SUN3: variants seen among roughly 807,000 people sequenced by gnomAD.
SUN3 encodes Sad1 and UNC84 domain containing 3.
Under a neutral mutation model 48.2 loss-of-function variants are expected in SUN3, and 36 were observed. That is an observed-to-expected ratio of 0.75 (90% CI 0.57 to 0.99). The LOEUF is 0.99. Among genes scored for constraint, SUN3 ranks in the 50% least tolerant of loss-of-function variants. SUN3 has a pLI of 0.00. For missense variants in SUN3, 419 were observed against 433.1 expected (o/e 0.97, Z 0.29); for synonymous variants, 148 against 147.9 (o/e 1.00, Z 0.00).
rs905761615 is a variant in SUN3, at chr7:47,987,162, A to T, written c.*168T>A. The T allele has an allele frequency of 5.6e-6, 3 of 536,108 alleles. No individual in the cohort carries two copies. Among genetic ancestry groups the T allele is most frequent in the Non-Finnish European group, 9.0e-6 (3 of 334,268 alleles). The allele number at this position is 536,108 out of a possible 1,614,324, so 33.2% of individuals were successfully genotyped here. On this transcript the variant is annotated 3_prime_UTR_variant, in exon 10 of 10. Transcript: ENST00000297325. ...TGGCAAGGATATTTAATTTACTTCC[A>T]TATTTTTTTATTAGTAAAATGCATT...
chr7:48,008,137 C>T (rs1789587047), intron 4 of SUN3, among the ~76,000 whole-genome samples: 1 of 152,080 alleles, frequency 6.6e-6, no homozygotes. Flanking sequence ...AATGGGTTTT[C>T]TATGTTTACA....
At chr7:48,016,246 C>G (rs563167185) in intron 3 of SUN3, among the ~76,000 whole-genome samples, 1 of 152,152 alleles carries the variant, frequency 6.6e-6, no homozygotes, top group African/African-American at 2.4e-5. Flanking sequence ...CAGCACTCCC[C>G]ACTTCCCAAG....
In SUN3 at chr7:48,025,956, A is replaced by G. The variant is rs1208046817; in HGVS notation, c.123-18T>C. On this transcript the variant is annotated intron_variant, in intron 1 of 9. Transcript: ENST00000297325. The stretch of plus-strand genomic sequence containing the variant: ...GAGTTACCCTAAAAGAATAAAAACA[A>G]TGATTAGAAAAAGAATTTAACAACA... 1 of 1,548,870 alleles carries G rather than the reference A, an allele frequency of 6.5e-7. No individual in the cohort carries two copies. The highest frequency in any genetic ancestry group is 1.1e-5 in the South Asian group (1 of 87,210).
At chr7:48,000,458 A>G (rs188511201) in intron 6 of SUN3, among the ~76,000 whole-genome samples, 20 of 152,304 alleles carry the variant, frequency 1.3e-4, no homozygotes, top group African/African-American at 4.8e-4. Flanking sequence ...TTACTCACAG[A>G]TGAGGCTGTT....
intron 2 of SUN3, chr7:48,018,724 T>A (rs1309864154): frequency 6.6e-6 from 1 of 152,536 alleles, no homozygotes. Flanking sequence ...AAATCTGAAT[T>A]CTAGAGTTAT....
At chr7:48,006,619 G>A (rs998976986) in intron 5 of SUN3, among the ~76,000 whole-genome samples, 4 of 152,188 alleles carry the variant, frequency 2.6e-5, no homozygotes, top group Admixed American at 1.3e-4. Flanking sequence ...CTGCCTAAAC[G>A]TAACACCTTC....
At chr7:47,990,955 G>T in intron 8 of SUN3, 1 of 386,294 alleles carries the variant, frequency 2.6e-6, no homozygotes, top group Admixed American at 3.1e-5. Context: ...CTTGAGGGTG[G>T]GGGGTGGGAG....
At chr7:48,019,977 C>CAAAAAAAAAAAA (rs869166401) in intron 2 of SUN3, among the ~76,000 whole-genome samples, 24 of 64,136 alleles carry the variant, frequency 3.7e-4, no homozygotes, top group East Asian at 6.3e-4. Context: ...AAAGACACAT[C>CAAAAAAAAAAAA]AAAAAAAAAA....
intron 3 of SUN3, among the ~76,000 whole-genome samples, chr7:48,012,190 C>T (rs934276635): frequency 7.2e-5 from 11 of 152,164 alleles, no homozygotes; most frequent in South Asian, 2.1e-4. Context: ...ATGTCCAGAG[C>T]ACTCGTTAAG....
At chr7:48,034,632 GT>G in the SUN3 span, among the ~76,000 whole-genome samples, 1 of 152,174 alleles carries the variant, frequency 6.6e-6, no homozygotes, top group Admixed American at 6.5e-5. Flanking sequence ...TATCAAAAGT[GT>G]CTCCTACTGA....
upstream of SUN3, among the ~76,000 whole-genome samples, chr7:48,032,423 T>C (rs78795384): frequency 0.011 from 1,641 of 152,210 alleles, 17 homozygotes; most frequent in African/African-American, 0.037. Context: ...CTCAATAAAG[T>C]TGGAAAAAAT....
Position 48,007,201 on chromosome 7 carries a change from G to A in SUN3, c.456C>T (p.Thr152=), listed in dbSNP as rs754500828. 3.1e-6 allele frequency: 5 copies of A among 1,613,966 alleles called. No individual in the cohort carries two copies. Among genetic ancestry groups the A allele is most frequent in the South Asian group, 1.1e-5 (1 of 91,064 alleles). ...DGMDNNHNWN[T]HGDPVEDPDH... ...CCGGGTCCTCCACAGGGTCTCCATG[G>A]GTGTTCCAGTTGTGATTATTGTCCA... Residue 152 remains threonine, a synonymous_variant, in exon 5 of 10, where the codon ACC becomes ACT. Coordinates refer to ENST00000297325, the MANE Select transcript of SUN3 (RefSeq NM_001030019.2).
intron 5 of SUN3, among the ~76,000 whole-genome samples, chr7:48,006,622 A>G (rs1345617983): frequency 6.6e-6 from 1 of 152,216 alleles, no homozygotes; most frequent in Non-Finnish European, 1.5e-5. Flanking sequence ...CCTAAACGTA[A>G]CACCTTCACA....
chr7:48,009,709 G>A (rs1319568946), intron 3 of SUN3, among the ~76,000 whole-genome samples: 1 of 152,164 alleles, frequency 6.6e-6, no homozygotes, highest in Non-Finnish European at 1.5e-5. Flanking sequence ...CCAGGAAAAG[G>A]TAAAGTTACT....
intron 6 of SUN3, among the ~76,000 whole-genome samples, chr7:47,996,659 T>A (rs540816342): frequency 6.6e-6 from 1 of 152,344 alleles, no homozygotes; most frequent in Admixed American, 6.5e-5. Context: ...GGTTACTTCA[T>A]TTTAGAAGCA....
intron 2 of SUN3, 34 bp from the exon 3 acceptor site, chr7:48,017,399 T>A (rs1195303126): frequency 8.4e-7 from 1 of 1,194,494 alleles, no homozygotes; most frequent in African/African-American, 1.5e-5. Context: ...GATTAAAGAG[T>A]TTCTCTGGAA....
chr7:47,994,316 TAGAC>T lies in SUN3; in HGVS notation c.856_859del (p.Val286MetfsTer14). 2 of 1,613,178 alleles carry T rather than the reference TAGAC, an allele frequency of 1.2e-6. No homozygotes were observed. The highest frequency in any genetic ancestry group is 1.1e-5 in the South Asian group (1 of 90,816). On this transcript the variant is annotated frameshift_variant and splice_region_variant, in exon 8 of 10. Transcript: ENST00000297325. LOFTEE classifies it high-confidence loss of function. ...TGACAAATTTAGATAGCTTCTTACA[TAGAC>T]AGAAAATTCCTTGGGTGCACTGGAG...
chr7:48,010,623 C>T (rs919805156), intron 3 of SUN3, among the ~76,000 whole-genome samples: 3 of 152,154 alleles, frequency 2.0e-5, no homozygotes, highest in African/African-American at 2.4e-5. Context: ...CAGCAGTCTC[C>T]AGAAATTTGT....
intron 6 of SUN3, among the ~76,000 whole-genome samples, chr7:48,005,035 C>T (rs1455729844): frequency 6.6e-6 from 1 of 152,248 alleles, no homozygotes; most frequent in Non-Finnish European, 1.5e-5. Flanking sequence ...CTTTTCCTCA[C>T]TCTGCATGTG....
Sources: gnomAD v4.1 joint callset for allele counts (sites outside exome capture counted in the v4.1 genomes callset) on GRCh38, gnomAD v4.1.1 for gene constraint, MANE v1.5 for transcripts, NCBI Gene and HGNC (gene_info 2026-07-23, HGNC 2026-07-21) for gene names.